The following ATP10A variants were observed in gnomAD, a reference collection of about 807,000 sequenced individuals.
ATP10A encodes the protein ATPase phospholipid transporting 10A (putative), also known as phospholipid-transporting ATPase VA.
A neutral mutation model predicts 147.8 loss-of-function variants in ATP10A; 111 were observed. The ratio of observed to expected loss-of-function variants is 0.75; its 90% CI spans 0.64 to 0.88. ATP10A has a LOEUF of 0.88. Among genes scored for constraint, ATP10A ranks in the 40% least tolerant of loss-of-function variants. The pLI is 0.00. For synonymous variants in ATP10A, 875 were observed against 841.6 expected, an observed-to-expected ratio of 1.04 and a Z score of -0.69; for missense variants, 1,927 against 1,959.0, an observed-to-expected ratio of 0.98 and a Z score of 0.31.
intron 3 of ATP10A, among the ~76,000 whole-genome samples, chr15:25,728,136 A>T (rs1567337877): frequency 6.6e-6 from 1 of 152,146 alleles, no homozygotes; most frequent in Non-Finnish European, 1.5e-5. Context: ...CTCCGCACGC[A>T]TTCCCCACAC....
At chr15:25,688,675 C>T (rs2140302179) in intron 15 of ATP10A, among the ~76,000 whole-genome samples, 1 of 152,324 alleles carries the variant, frequency 6.6e-6, no homozygotes, top group African/African-American at 2.4e-5. Flanking sequence ...CTGCCTTTAA[C>T]ATCTAACTGG....
At chr15:25,730,341 A>AAGG (rs1902901800) in intron 3 of ATP10A, among the ~76,000 whole-genome samples, 1 of 149,206 alleles carries the variant, frequency 6.7e-6, no homozygotes, top group African/African-American at 2.5e-5. Flanking sequence ...AGAAAGAAAG[A>AAGG]AAGGAAGGAA....
chr15:25,843,686 G>A (rs1892905691), intron 1 of ATP10A, among the ~76,000 whole-genome samples: 1 of 152,124 alleles, frequency 6.6e-6, no homozygotes, highest in South Asian at 2.1e-4. Flanking sequence ...GTCCTTTGGG[G>A]ATATTCAAGG....
chr15:25,791,439 T>G (rs1299916284), intron 1 of ATP10A, among the ~76,000 whole-genome samples: 1 of 152,216 alleles, frequency 6.6e-6, no homozygotes, highest in South Asian at 2.1e-4. Flanking sequence ...TCTAGCTTAC[T>G]GCAGTGGCAC....
intron 1 of ATP10A, among the ~76,000 whole-genome samples, chr15:25,804,862 T>C (rs2140795498): frequency 6.6e-6 from 1 of 152,348 alleles, no homozygotes; most frequent in South Asian, 2.1e-4. Context: ...GAAAGTTCTT[T>C]TAGAAGTAAA....
chr15:25,708,327 G>C, intron 10 of ATP10A, 27 bp from the exon 11 acceptor site: 1 of 1,595,784 alleles, frequency 6.3e-7, no homozygotes, highest in Non-Finnish European at 8.6e-7. Flanking sequence ...GCAGAAACAT[G>C]GGTAAGAACT....
chr15:25,748,466 C>T (rs1887965811), intron 2 of ATP10A, among the ~76,000 whole-genome samples: 1 of 152,100 alleles, frequency 6.6e-6, no homozygotes, highest in Admixed American at 6.6e-5. Flanking sequence ...AATACTTTCT[C>T]TTAGCAGGCT....
At chr15:25,795,180 A>G (rs1450147762) in intron 1 of ATP10A, among the ~76,000 whole-genome samples, 2 of 152,146 alleles carry the variant, frequency 1.3e-5, no homozygotes, top group Non-Finnish European at 2.9e-5. Context: ...AGCATACAAC[A>G]ATGAGCAGCG....
At chr15:25,687,557 C>G (rs991312559) in intron 16 of ATP10A, 146 bp downstream of exon 16, 5 of 574,962 alleles carry the variant, frequency 8.7e-6, no homozygotes, top group African/African-American at 7.9e-5. Context: ...CAGCCCAGGA[C>G]AGGGGACAAT....
chr15:25,732,512 T>G (rs1376650581), intron 3 of ATP10A, among the ~76,000 whole-genome samples: 1 of 150,962 alleles, frequency 6.6e-6, no homozygotes. Context: ...ATCCACTTTC[T>G]GTGTCTAAGA....
At chr15:25,732,670 C>T (rs1887013099) in intron 3 of ATP10A, among the ~76,000 whole-genome samples, 2 of 143,712 alleles carry the variant, frequency 1.4e-5, no homozygotes, top group Admixed American at 7.6e-5. Flanking sequence ...ATTCTCCTGC[C>T]TCAGCCACCC....
chr15:25,804,548 G>A (rs1013364339), intron 1 of ATP10A, among the ~76,000 whole-genome samples: 1 of 152,034 alleles, frequency 6.6e-6, no homozygotes, highest in Non-Finnish European at 1.5e-5. Flanking sequence ...GGCTAAACAC[G>A]GAAAGGACAA....
At chr15:25,728,871 G>A (rs759749910) in intron 3 of ATP10A, among the ~76,000 whole-genome samples, 2 of 152,076 alleles carry the variant, frequency 1.3e-5, no homozygotes, top group Non-Finnish European at 2.9e-5. Context: ...CGAGGGGTTG[G>A]GAACGTACTC....
chr15:25,734,336 C>T (rs566951636), intron 3 of ATP10A, among the ~76,000 whole-genome samples: 9 of 152,326 alleles, frequency 5.9e-5, no homozygotes, highest in Non-Finnish European at 1.2e-4. Context: ...AAGAGAAAGT[C>T]GGCCCCTTAT....
At chr15:25,762,708 A>C (rs569702609) in intron 2 of ATP10A, among the ~76,000 whole-genome samples, 1 of 151,968 alleles carries the variant, frequency 6.6e-6, no homozygotes, top group South Asian at 2.1e-4. Context: ...CAGCCTCCTA[A>C]CCAGCTAGGA....
At chr15:25,825,804 G>A (rs1000980318) in intron 1 of ATP10A, among the ~76,000 whole-genome samples, 1 of 152,006 alleles carries the variant, frequency 6.6e-6, no homozygotes, top group African/African-American at 2.4e-5. Context: ...AAAATTATGA[G>A]ACATGCCAAC....
chr15:25,782,655 G>A (rs1008385771), intron 1 of ATP10A, among the ~76,000 whole-genome samples: 9 of 152,056 alleles, frequency 5.9e-5, no homozygotes, highest in African/African-American at 1.9e-4. Context: ...CAGAACCTAC[G>A]AGTCACTATC....
intron 1 of ATP10A, among the ~76,000 whole-genome samples, chr15:25,794,855 T>C (rs1890594999): frequency 1.3e-5 from 2 of 152,166 alleles, no homozygotes; most frequent in African/African-American, 4.8e-5. Flanking sequence ...TGCAGGGTCA[T>C]TGTCACCAGT....
intron 1 of ATP10A, among the ~76,000 whole-genome samples, chr15:25,860,747 C>T (rs185325413): frequency 6.6e-6 from 1 of 152,258 alleles, no homozygotes; most frequent in East Asian, 1.9e-4. Context: ...GTCACAGAGA[C>T]AAGAGAATAG....
Sources: allele counts gnomAD v4.1 joint callset (sites outside exome capture counted in the v4.1 genomes callset), GRCh38; gene constraint gnomAD v4.1.1; transcripts MANE v1.5; gene names NCBI Gene and HGNC (gene_info 2026-07-23, HGNC 2026-07-21).